RORA: variants seen among roughly 807,000 people sequenced by gnomAD.
RORA encodes RAR related orphan receptor A.
A neutral mutation model predicts 69.5 loss-of-function variants in RORA; 7 were observed. The observed-to-expected ratio is 0.10, with a 90% CI of 0.06 to 0.19. The LOEUF is 0.19. Among genes scored for constraint, RORA ranks in the 10% least tolerant of loss-of-function variants. The pLI, the probability that RORA is intolerant of heterozygous loss-of-function variation, is 1.00. For synonymous variants in RORA, 261 were observed against 240.8 expected (o/e 1.08, Z -0.78); for missense variants, 457 against 663.0 (o/e 0.69, Z 3.41).
At chr15:60,800,857 T>C (rs1238843883) in intron 1 of RORA, among the ~76,000 whole-genome samples, 2 of 152,172 alleles carry the variant, frequency 1.3e-5, no homozygotes, top group Non-Finnish European at 2.9e-5. Flanking sequence ...GCATTTACTA[T>C]GTTGGGCTGC....
At chr15:60,786,034 C>G (rs534801380) in intron 1 of RORA, among the ~76,000 whole-genome samples, 29 of 152,362 alleles carry the variant, frequency 1.9e-4, no homozygotes, top group African/African-American at 6.7e-4. Flanking sequence ...CAAATAACTT[C>G]ACCAAAATCT....
At chr15:61,016,318 T>C (rs562965968) in intron 1 of RORA, among the ~76,000 whole-genome samples, 3 of 152,160 alleles carry the variant, frequency 2.0e-5, no homozygotes, top group Admixed American at 6.5e-5. Context: ...GCCACTAATA[T>C]TATGGTTGCC....
intron 1 of RORA, among the ~76,000 whole-genome samples, chr15:60,873,427 A>T (rs1270113915): frequency 6.6e-6 from 1 of 152,212 alleles, no homozygotes; most frequent in Non-Finnish European, 1.5e-5. Context: ...TACTTCTAAA[A>T]GGCCAGGAAA....
At chr15:60,588,859 GT>G (rs2068415921) in intron 2 of RORA, among the ~76,000 whole-genome samples, 1 of 152,180 alleles carries the variant, frequency 6.6e-6, no homozygotes, top group Non-Finnish European at 1.5e-5. Context: ...CTGCTGCTTT[GT>G]ATCTCAAGTA....
intron 1 of RORA, among the ~76,000 whole-genome samples, chr15:60,716,930 G>A (rs2071228713): frequency 1.3e-5 from 2 of 152,062 alleles, no homozygotes; most frequent in South Asian, 2.1e-4. Context: ...ATAATAAACT[G>A]GTAAACATGT....
At chr15:61,034,083 A>G (rs1028308724) in intron 1 of RORA, among the ~76,000 whole-genome samples, 1 of 152,190 alleles carries the variant, frequency 6.6e-6, no homozygotes, top group Non-Finnish European at 1.5e-5. Context: ...TTATAGTTCA[A>G]TTGGACAGTC....
intron 1 of RORA, among the ~76,000 whole-genome samples, chr15:61,150,336 C>T (rs893568198): frequency 6.6e-6 from 1 of 152,194 alleles, no homozygotes; most frequent in Non-Finnish European, 1.5e-5. Flanking sequence ...ATACAGTGTA[C>T]AGTTTAAAAA....
chr15:60,973,497 A>G (rs909098964), intron 1 of RORA, among the ~76,000 whole-genome samples: 1 of 152,132 alleles, frequency 6.6e-6, no homozygotes, highest in Non-Finnish European at 1.5e-5. Flanking sequence ...AGTGCTCTGA[A>G]AATGCTCTGG....
At chr15:61,103,734 C>A (rs749086221) in intron 1 of RORA, among the ~76,000 whole-genome samples, 2 of 152,168 alleles carry the variant, frequency 1.3e-5, no homozygotes, top group Admixed American at 6.5e-5. Context: ...TGGCAGCCAG[C>A]AGATAAAGAC....
At chr15:60,991,575 G>A (rs2140370063) in intron 1 of RORA, among the ~76,000 whole-genome samples, 1 of 152,104 alleles carries the variant, frequency 6.6e-6, no homozygotes, top group Middle Eastern at 3.4e-3. Flanking sequence ...TTTAAAAGTA[G>A]TAAAGTTTTA....
chr15:60,919,581 C>T (rs534434459), intron 1 of RORA, among the ~76,000 whole-genome samples: 7 of 152,158 alleles, frequency 4.6e-5, no homozygotes, highest in African/African-American at 9.7e-5. Context: ...TACCTGATTA[C>T]GGCACCTATA....
chr15:60,984,667 C>T (rs1894144160), intron 1 of RORA, among the ~76,000 whole-genome samples: 1 of 152,008 alleles, frequency 6.6e-6, no homozygotes, highest in African/African-American at 2.4e-5. Context: ...TGGTTTGAGA[C>T]AAGATAAATA....
chr15:60,533,152 G>A (rs1415834716), intron 2 of RORA, among the ~76,000 whole-genome samples: 1 of 152,186 alleles, frequency 6.6e-6, no homozygotes, highest in South Asian at 2.1e-4. Flanking sequence ...CATGTGTACT[G>A]CTAACTCCCT....
At chr15:60,938,023 A>G (rs773026761) in intron 1 of RORA, among the ~76,000 whole-genome samples, 5 of 152,120 alleles carry the variant, frequency 3.3e-5, no homozygotes, top group Non-Finnish European at 7.3e-5. Flanking sequence ...AGACTCAGAG[A>G]ACGAAAATTA....
chr15:60,590,556 A>ATTT, intron 2 of RORA, among the ~76,000 whole-genome samples: 1 of 152,322 alleles, frequency 6.6e-6, no homozygotes, highest in South Asian at 2.1e-4. Flanking sequence ...GACAAAGTGG[A>ATTT]TAAAGACTGG....
intron 1 of RORA, among the ~76,000 whole-genome samples, chr15:60,911,061 C>T (rs1394570109): frequency 7.3e-6 from 1 of 137,780 alleles, no homozygotes; most frequent in East Asian, 2.0e-4. Context: ...CACCACCATG[C>T]CCAGCTAATT....
At chr15:60,946,828 T>C (rs1301357220) in intron 1 of RORA, among the ~76,000 whole-genome samples, 1 of 149,190 alleles carries the variant, frequency 6.7e-6, no homozygotes, top group Admixed American at 6.6e-5. Context: ...GTGAGGAGCG[T>C]CTCTGCCTGG....
intron 1 of RORA, among the ~76,000 whole-genome samples, chr15:60,699,537 T>C (rs556330689): frequency 2.0e-5 from 3 of 152,334 alleles, no homozygotes; most frequent in South Asian, 4.1e-4. Flanking sequence ...CATTTACATG[T>C]AGAATCTGAG....
chr15:61,057,922 C>T (rs537780769), intron 1 of RORA, among the ~76,000 whole-genome samples: 69 of 152,238 alleles, frequency 4.5e-4, no homozygotes, highest in African/African-American at 1.6e-3. Flanking sequence ...GGCATTTAGA[C>T]CTGAAAGGCA....
Sources: gnomAD v4.1 joint callset for allele counts (sites outside exome capture counted in the v4.1 genomes callset) on GRCh38, gnomAD v4.1.1 for gene constraint, MANE v1.5 for transcripts, NCBI Gene and HGNC (gene_info 2026-07-23, HGNC 2026-07-21) for gene names.